SCAPER: variants seen among roughly 807,000 people sequenced by gnomAD.
SCAPER encodes S-phase cyclin A associated protein in the ER, also known as S phase cyclin A-associated protein in the endoplasmic reticulum.
A neutral mutation model predicts 182.2 loss-of-function variants in SCAPER; 98 were observed. The ratio of observed to expected loss-of-function variants is 0.54; its 90% CI spans 0.46 to 0.64. SCAPER has a LOEUF of 0.64. Ranked by LOEUF, SCAPER falls within the 30% of genes least tolerant of loss-of-function variation. The probability of loss-of-function intolerance (pLI) is 0.00; values close to 1 mark genes in which losing one functional copy is unlikely to be tolerated. For synonymous variants in SCAPER, 605 were observed against 564.6 expected, an observed-to-expected ratio of 1.07 and a Z score of -1.01; for missense variants, 1,432 against 1,690.0, an observed-to-expected ratio of 0.85 and a Z score of 2.68.
chr15:76,747,690 A>G lies in SCAPER; in HGVS notation c.1866+6118T>C, dbSNP rs116656189. ...TTCCCTCAAGAGCTGGTTGTTTCCAAGAGTGTGGTACCTCCCTCCTCTCTT... is the reference window on the plus strand; with the variant it reads ...TTCCCTCAAGAGCTGGTTGTTTCCAGGAGTGTGGTACCTCCCTCCTCTCTT... On this transcript the variant is annotated intron_variant, in intron 15 of 31. Coordinates refer to ENST00000563290, the MANE Select transcript of SCAPER (RefSeq NM_020843.4). 8.1e-3 allele frequency among the ~76,000 whole-genome samples: 1,233 copies of G among 152,078 alleles called. 11 individuals are homozygous for G. Among genetic ancestry groups the G allele is most frequent in the African/African-American group, 0.028 (1,170 of 41,472 alleles).
chr15:76,899,150 C>T (rs1367410374), intron 1 of SCAPER, among the ~76,000 whole-genome samples: 2 of 151,952 alleles, frequency 1.3e-5, no homozygotes, highest in African/African-American at 4.8e-5. Flanking sequence ...TATGGATATG[C>T]TCTCCCTCTC....
chr15:76,777,580 G>A (rs995990474), intron 8 of SCAPER, among the ~76,000 whole-genome samples: 4 of 152,132 alleles, frequency 2.6e-5, no homozygotes, highest in African/African-American at 9.7e-5. Flanking sequence ...TGTAATCCGA[G>A]CTACTTGGGA....
At chr15:76,451,287 A>G (rs1459915581) in intron 25 of SCAPER, among the ~76,000 whole-genome samples, 1 of 152,192 alleles carries the variant, frequency 6.6e-6, no homozygotes, top group Non-Finnish European at 1.5e-5. Flanking sequence ...TGTGTTATTT[A>G]GGGATTTTAC....
chr15:76,725,096 A>C (rs2060501523), intron 17 of SCAPER, among the ~76,000 whole-genome samples: 1 of 152,130 alleles, frequency 6.6e-6, no homozygotes, highest in African/African-American at 2.4e-5. Flanking sequence ...TGGTATTTCT[A>C]AACACCAGCA....
chr15:76,724,601 A>G (rs2060473796), intron 17 of SCAPER, among the ~76,000 whole-genome samples: 1 of 151,914 alleles, frequency 6.6e-6, no homozygotes, highest in African/African-American at 2.4e-5. Flanking sequence ...ATAGTCCCAT[A>G]TTTCTTGGAG....
intron 26 of SCAPER, among the ~76,000 whole-genome samples, chr15:76,409,052 AT>A (rs2045080773): frequency 6.6e-6 from 1 of 152,156 alleles, no homozygotes; most frequent in African/African-American, 2.4e-5. Context: ...GTGCCTACTA[AT>A]GAGTCAGTCT....
At chr15:76,867,070 T>C (rs997110009) in intron 2 of SCAPER, among the ~76,000 whole-genome samples, 3 of 152,202 alleles carry the variant, frequency 2.0e-5, no homozygotes, top group Non-Finnish European at 4.4e-5. Context: ...AGAGGCTAGG[T>C]ACTTCTGAGA....
At chr15:76,614,934 T>C (rs1404209148) in intron 22 of SCAPER, among the ~76,000 whole-genome samples, 2 of 152,216 alleles carry the variant, frequency 1.3e-5, no homozygotes, top group Non-Finnish European at 2.9e-5. Flanking sequence ...ACATTACTAC[T>C]GATCTTACTA....
intron 22 of SCAPER, among the ~76,000 whole-genome samples, chr15:76,597,206 T>C (rs11854128): frequency 0.011 from 1,380 of 121,846 alleles, 167 homozygotes; most frequent in African/African-American, 0.032. Flanking sequence ...CCATTCACAA[T>C]TGCTACAAAG....
intron 5 of SCAPER, among the ~76,000 whole-genome samples, chr15:76,839,106 T>A (rs1454407368): frequency 6.6e-6 from 1 of 152,198 alleles, no homozygotes; most frequent in East Asian, 1.9e-4. Flanking sequence ...ACTCAAAAAA[T>A]GAGGAATGTA....
intron 5 of SCAPER, among the ~76,000 whole-genome samples, chr15:76,821,726 C>T (rs1056716999): frequency 2.6e-5 from 4 of 151,864 alleles, no homozygotes; most frequent in African/African-American, 7.3e-5. Context: ...AGCCCAGGAG[C>T]GAGACTTCAT....
intron 20 of SCAPER, among the ~76,000 whole-genome samples, chr15:76,670,933 A>G (rs2056968616): frequency 6.6e-6 from 1 of 152,212 alleles, no homozygotes; most frequent in Non-Finnish European, 1.5e-5. Flanking sequence ...ACAGGAAGAA[A>G]GTTTTGACAT....
chr15:76,414,495 A>G lies in SCAPER; in HGVS notation c.3312-9816T>C, dbSNP rs551606441. Among the ~76,000 whole-genome samples, 33 of 152,218 alleles carry G rather than the reference A, an allele frequency of 2.2e-4. No homozygotes were observed. In the South Asian group the frequency reaches 2.7e-3, roughly 12 times the overall value. On this transcript the variant is annotated intron_variant, in intron 26 of 31. Transcript: ENST00000563290. ...AAAAAGACACAACCTACAGGGGAAA[A>G]ATGACATAAATGAAGGCTGATTTTT...
intron 20 of SCAPER, among the ~76,000 whole-genome samples, chr15:76,689,445 A>G (rs2058224262): frequency 6.6e-6 from 1 of 152,114 alleles, no homozygotes; most frequent in Non-Finnish European, 1.5e-5. Flanking sequence ...CTATGTGTAT[A>G]TTTTATTAAA....
At chr15:76,831,518 T>G (rs2068479354) in intron 5 of SCAPER, among the ~76,000 whole-genome samples, 1 of 147,346 alleles carries the variant, frequency 6.8e-6, no homozygotes, top group Non-Finnish European at 1.5e-5. Context: ...GCCCCCATTG[T>G]TCTGTTGGTG....
rs114183548 is a variant in SCAPER, at chr15:76,519,699, T to G, written c.2839-14725A>C. On this transcript the variant is annotated intron_variant, in intron 23 of 31. Coordinates refer to ENST00000563290, the MANE Select transcript of SCAPER (RefSeq NM_020843.4). ...CCTCTTGATGCCTCGGTGTTCTTAT[T>G]CATATAACAGGGCTAATACTTCCTA... Among the ~76,000 whole-genome samples the G allele has an allele frequency of 8.2e-3, 1,250 of 152,310 alleles. 13 individuals are homozygous for G. The highest frequency in any genetic ancestry group is 0.029 in the African/African-American group (1,186 of 41,562).
At chr15:76,507,699 A>C (rs2041708716) in intron 23 of SCAPER, among the ~76,000 whole-genome samples, 2 of 152,224 alleles carry the variant, frequency 1.3e-5, no homozygotes, top group Non-Finnish European at 2.9e-5. Context: ...TTTGTGCACA[A>C]TAAAATACAT....
intron 26 of SCAPER, among the ~76,000 whole-genome samples, chr15:76,433,216 T>C (rs1472916342): frequency 6.6e-6 from 1 of 152,070 alleles, no homozygotes. Flanking sequence ...CATATCTAAA[T>C]ATCAAGAAAA....
intron 17 of SCAPER, among the ~76,000 whole-genome samples, chr15:76,715,293 C>A (rs1284222765): frequency 1.3e-5 from 2 of 152,034 alleles, no homozygotes; most frequent in East Asian, 3.9e-4. Flanking sequence ...GTACCCCCAC[C>A]CCGGCCCAGG....
Sources: allele counts gnomAD v4.1 joint callset (sites outside exome capture counted in the v4.1 genomes callset), GRCh38; gene constraint gnomAD v4.1.1; transcripts MANE v1.5; gene names NCBI Gene and HGNC (gene_info 2026-07-23, HGNC 2026-07-21).